The following STK32B variants were observed in gnomAD, a reference collection of about 807,000 sequenced individuals.
The protein encoded by STK32B is serine/threonine-protein kinase 32B.
In STK32B, 43 loss-of-function variants were observed where a neutral mutation model predicts 52.6. The ratio of observed to expected loss-of-function variants is 0.82; its 90% CI spans 0.64 to 1.05. The LOEUF (loss-of-function observed/expected upper bound fraction) is 1.05. Ranked by LOEUF, STK32B falls within the 50% of genes least tolerant of loss-of-function variation. The probability of loss-of-function intolerance (pLI) is 0.00; values close to 1 mark genes in which losing one functional copy is unlikely to be tolerated. For missense variants in STK32B, 621 were observed against 534.6 expected, an observed-to-expected ratio of 1.16 and a Z score of -1.59; for synonymous variants, 238 against 204.3, an observed-to-expected ratio of 1.17 and a Z score of -1.41.
rs1262412485 is a variant in STK32B at position 5,243,824 on chromosome 4, C to T, written c.260+75374C>T. Among the ~76,000 whole-genome samples the T allele has an allele frequency of 7.2e-5, 11 of 152,104 alleles. 1 individual carries two copies. The highest frequency in any genetic ancestry group is 6.5e-4 in the Admixed American group (10 of 15,276). On this transcript the variant is annotated intron_variant, in intron 3 of 11. Coordinates refer to ENST00000282908, the MANE Select transcript of STK32B (RefSeq NM_018401.3). The stretch of plus-strand genomic sequence containing the variant: ...ATTTTGTCAAAGGCCTTTTCTGCAT[C>T]TATTGAGATAATCATGTGGTTTTTG...
chr4:5,134,245 C>CT (rs1270247451), intron 1 of STK32B, among the ~76,000 whole-genome samples: 1 of 152,122 alleles, frequency 6.6e-6, no homozygotes, highest in African/African-American at 2.4e-5. Flanking sequence ...GTGTTGGAAA[C>CT]TAAATTTCTA....
At chr4:5,303,631 G>T (rs895212008) in intron 3 of STK32B, among the ~76,000 whole-genome samples, 2 of 152,050 alleles carry the variant, frequency 1.3e-5, no homozygotes, top group East Asian at 3.8e-4. Context: ...CACTCTATGG[G>T]TTCTCTGTTT....
chr4:5,274,429 G>A (rs1727672560), intron 3 of STK32B, among the ~76,000 whole-genome samples: 1 of 152,144 alleles, frequency 6.6e-6, no homozygotes. Flanking sequence ...AACAAACTGA[G>A]AGACAGGACT....
chr4:5,178,817 A>G (rs1720125876), intron 3 of STK32B, among the ~76,000 whole-genome samples: 1 of 152,188 alleles, frequency 6.6e-6, no homozygotes, highest in Non-Finnish European at 1.5e-5. Flanking sequence ...TTAATTGCCC[A>G]TATCACTATC....
At chr4:5,138,162 A>G (rs1455243791) in intron 1 of STK32B, among the ~76,000 whole-genome samples, 1 of 152,232 alleles carries the variant, frequency 6.6e-6, no homozygotes, top group Non-Finnish European at 1.5e-5. Context: ...AAATAAATCT[A>G]AATCAAAGAA....
At chr4:5,065,149 A>G (rs7697289) in intron 1 of STK32B, among the ~76,000 whole-genome samples, 2,435 of 152,218 alleles carry the variant, frequency 0.016, 60 homozygotes, top group African/African-American at 0.056. Context: ...ACTCTGTGTC[A>G]GTCAGGGTGC....
At chr4:5,066,871 T>C (rs1742445227) in intron 1 of STK32B, among the ~76,000 whole-genome samples, 1 of 152,234 alleles carries the variant, frequency 6.6e-6, no homozygotes, top group African/African-American at 2.4e-5. Flanking sequence ...AGATGCCTTA[T>C]CTGCTTCCTA....
chr4:5,492,468 A>G (rs549148184), intron 11 of STK32B, among the ~76,000 whole-genome samples: 133 of 152,056 alleles, frequency 8.7e-4, no homozygotes, highest in African/African-American at 3.0e-3. Flanking sequence ...GCTTAAGGAG[A>G]TTTTGGGCTG....
intron 3 of STK32B, among the ~76,000 whole-genome samples, chr4:5,230,497 A>G (rs1359469416): frequency 6.6e-6 from 1 of 151,978 alleles, no homozygotes; most frequent in African/African-American, 2.4e-5. Context: ...GCCACATTCC[A>G]CTTTTACAAG....
At position 5,454,000 on chromosome 4, in the gene STK32B, A is replaced by G. The variant is rs1228863967; in HGVS notation, c.667-2807A>G. Among the ~76,000 whole-genome samples, 1 of 149,944 alleles carries G rather than the reference A, an allele frequency of 6.7e-6. No individual in the cohort carries two copies. The highest frequency in any genetic ancestry group is 2.0e-4 in the East Asian group (1 of 5,094). ...TCCTGTCCCTGCCCCTGTGGAAATT[A>G]TAGAGAACTGCCCTTCCGCAAACAT... On this transcript the variant is annotated intron_variant, in intron 7 of 11. Transcript: ENST00000282908. The surrounding 1 kb of genome is among the most constrained non-coding windows in gnomAD (Gnocchi z 4.0).
At position 5,265,365 on chromosome 4, in the gene STK32B, G is replaced by A. The variant is rs536152258; in HGVS notation, c.261-65855G>A. Among the ~76,000 whole-genome samples, 11 of 152,286 alleles carry A rather than the reference G, an allele frequency of 7.2e-5. No individual in the cohort carries two copies. In the South Asian group the frequency reaches 2.3e-3, roughly 32 times the overall value. On this transcript the variant is annotated intron_variant, in intron 3 of 11. Transcript: ENST00000282908. ...CTGCTGCATACATGGGCTTCTGCAG[G>A]TCCAGATAAATGTTCTCAGACACAG...
intron 3 of STK32B, among the ~76,000 whole-genome samples, chr4:5,215,176 C>T (rs1723113069): frequency 6.6e-6 from 1 of 152,170 alleles, no homozygotes. Flanking sequence ...TTCCCTTCTG[C>T]AGTGGGCCCA....
intron 1 of STK32B, among the ~76,000 whole-genome samples, chr4:5,053,724 T>G (rs1741879166): frequency 6.6e-6 from 1 of 152,194 alleles, no homozygotes; most frequent in Non-Finnish European, 1.5e-5. Context: ...GGCTCATGCC[T>G]GTAATCCCAG....
rs116938719 is a variant in STK32B, at chr4:5,176,772, A to G, written c.260+8322A>G. The stretch of plus-strand genomic sequence containing the variant: ...GGCACCATTTCTTGATCCTCTGTTC[A>G]TGGTCCTCAAGACACCAACAGATTA... On this transcript the variant is annotated intron_variant, in intron 3 of 11. Coordinates refer to ENST00000282908, the MANE Select transcript of STK32B (RefSeq NM_018401.3). Among the ~76,000 whole-genome samples, 325 of 152,238 alleles carry G rather than the reference A, an allele frequency of 2.1e-3. 6 individuals carry two copies. The East Asian group carries it at 0.052, about 24-fold the overall frequency.
chr4:5,370,293 T>C (rs1285892585), intron 4 of STK32B, among the ~76,000 whole-genome samples: 1 of 152,228 alleles, frequency 6.6e-6, no homozygotes, highest in Non-Finnish European at 1.5e-5. Flanking sequence ...TATCATTGGC[T>C]GACTTGGTAC....
At chr4:5,456,786 G>A in intron 7 of STK32B, 21 bp from the exon 8 acceptor site, 1 of 1,547,840 alleles carries the variant, frequency 6.5e-7, no homozygotes, top group East Asian at 2.4e-5. Flanking sequence ...TCTGATTCTG[G>A]CTGTTGTTCT....
intron 1 of STK32B, among the ~76,000 whole-genome samples, chr4:5,057,756 G>A (rs1206523227): frequency 6.6e-6 from 1 of 152,150 alleles, no homozygotes; most frequent in Non-Finnish European, 1.5e-5. Context: ...GGAAAAAACA[G>A]ATATTCTTAG....
At chr4:5,192,600 C>T (rs1255025982) in intron 3 of STK32B, among the ~76,000 whole-genome samples, 1 of 152,092 alleles carries the variant, frequency 6.6e-6, no homozygotes, top group Non-Finnish European at 1.5e-5. Flanking sequence ...GTAGGATTGG[C>T]CAATAAACAT....
chr4:5,287,466 C>T (rs760351521), intron 3 of STK32B, among the ~76,000 whole-genome samples: 11 of 149,566 alleles, frequency 7.4e-5, no homozygotes, highest in East Asian at 1.9e-4. Context: ...CAGTTTAAGT[C>T]GATGAATATA....
Sources: gnomAD v4.1 joint callset for allele counts (sites outside exome capture counted in the v4.1 genomes callset) on GRCh38, gnomAD v4.1.1 for gene constraint, Gnocchi (gnomAD v3.1) non-coding constraint, MANE v1.5 for transcripts, NCBI Gene and HGNC (gene_info 2026-07-23, HGNC 2026-07-21) for gene names.